The following CPSF1 variants were observed in gnomAD, a reference collection of about 807,000 sequenced individuals.
CPSF1 encodes cleavage and polyadenylation specific factor 1.
CPSF1 carries 106 observed loss-of-function variants against 175.8 expected under a neutral mutation model. The observed-to-expected ratio is 0.60, with a 90% CI of 0.52 to 0.71. The LOEUF is 0.71. Ranked by LOEUF, CPSF1 falls within the 30% of genes least tolerant of loss-of-function variation. CPSF1 has a pLI of 0.00. For synonymous variants in CPSF1, 1,024 were observed against 858.3 expected (o/e 1.19, Z -3.37); for missense variants, 1,734 against 2,022.9 (o/e 0.86, Z 2.74).
chr8:144,407,117 G>A (rs2116907320), intron 2 of CPSF1, among the ~76,000 whole-genome samples: 12 of 151,862 alleles, frequency 7.9e-5, no homozygotes, highest in African/African-American at 2.4e-4. Flanking sequence ...GTTTTGCCAC[G>A]TTGGCCAGAC....
Position 144,396,884 on chromosome 8 carries a change from C to A in CPSF1, c.2638G>T (p.Asp880Tyr). 1 of 1,613,890 alleles carries A rather than the reference C, an allele frequency of 6.2e-7. No homozygotes were observed. The highest frequency in any genetic ancestry group is 8.5e-7 in the Non-Finnish European group (1 of 1,179,942). ...AGATTGCCCTGGCCGAGCTGAGAGT[C>A]GTGGGGGAAGGCCTCGTAGATAAGC... is the stretch of plus-strand genomic sequence containing the variant. ...ELLIYEAFPH[D>Y]SQLGQGNLKV... Residue 880 changes from aspartate (D) to tyrosine (Y), a missense_variant, in exon 24 of 38, where the codon GAC (aspartate) becomes TAC (tyrosine). Asp to Tyr is a radical substitution (Grantham distance 160, BLOSUM62 -3). Transcript: ENST00000616140.
At chr8:144,396,303 TG>T in intron 26 of CPSF1, 44 bp downstream of exon 26, 1 of 1,549,206 alleles carries the variant, frequency 6.5e-7, no homozygotes, top group Non-Finnish European at 8.7e-7. Context: ...AGCCCCCAGC[TG>T]GGGCAGCATC....
chr8:144,394,490 G>A lies in CPSF1; in HGVS notation c.3633C>T (p.Tyr1211=). ...TGMAFIDTQL[Y]IHQMISVKNF... is the part of the protein sequence containing the mutation. ...TCTTGACGCTGATCATCTGGTGTAT[G>A]TAGAGCTGCGTGTCGATGAAGGCCA... Residue 1211 remains tyrosine, a synonymous_variant, in exon 32 of 38, where the codon TAC becomes TAT. Coordinates refer to ENST00000616140, the MANE Select transcript of CPSF1 (RefSeq NM_013291.3). The A allele has an allele frequency of 5.0e-6, 8 of 1,609,478 alleles. No individual in the cohort carries two copies. Among genetic ancestry groups the A allele is most frequent in the Non-Finnish European group, 6.8e-6 (8 of 1,178,656 alleles).
At chr8:144,404,185 T>C (rs1821370082) in intron 2 of CPSF1, among the ~76,000 whole-genome samples, 1 of 151,734 alleles carries the variant, frequency 6.6e-6, no homozygotes, top group South Asian at 2.1e-4. Context: ...ATCATGCCAT[T>C]GCACTCCAGC....
In CPSF1 at chr8:144,393,990, TG is replaced by T. The variant is rs1554862517; in HGVS notation, c.3907del (p.His1303ThrfsTer6). 6.2e-7 allele frequency: 1 copy of T among 1,613,304 alleles called. No homozygotes were observed. The highest frequency in any genetic ancestry group is 1.7e-5 in the Admixed American group (1 of 59,998). ...GMRLLRRADF[H>X]VGAHVNTFWR... The stretch of plus-strand genomic sequence containing the variant: ...GAACGTGTTCACGTGGGCACCCACG[TG>T]GAAGTCTGCCCGACGCAGCAGGCGC... On this transcript the variant is annotated frameshift_variant, in exon 35 of 38. Transcript: ENST00000616140. LOFTEE classifies it high-confidence loss of function.
chr8:144,394,528 C>T lies in CPSF1; in HGVS notation c.3595G>A (p.Glu1199Lys). The T allele has an allele frequency of 1.9e-6, 3 of 1,609,708 alleles. No homozygotes were observed. The highest frequency in any genetic ancestry group is 1.7e-6 in the Non-Finnish European group (2 of 1,178,690). ...TCGATGAAGGCCATGCCCGTCAGCTCGCTGGCCCGCAGGCTCCACAGGAAA... is the reference window on the plus strand; with the variant it reads ...TCGATGAAGGCCATGCCCGTCAGCTTGCTGGCCCGCAGGCTCCACAGGAAA... Reference protein sequence around the residue: ...KIFLWSLRASELTGMAFIDTQ... With the variant: ...KIFLWSLRASKLTGMAFIDTQ... Residue 1199 changes from glutamate (E) to lysine (K), a missense_variant, in exon 32 of 38, where the codon GAG becomes AAG. Transcript: ENST00000616140.
At position 144,398,568 on chromosome 8, in the gene CPSF1, C is replaced by G; in HGVS notation, c.1709G>C (p.Arg570Pro). The change falls in exon 18 of 38, where the codon CGC becomes CCC. Residue 570 changes from arginine to proline, a missense_variant. Arg to Pro is a moderately radical substitution (Grantham distance 103). Transcript: ENST00000616140. ...GCTCAGAATCAGGAATCCGTGTCTG[C>G]GGCCGTCGTCGTCTGCTTCAGGGGT... ...STTPEADDDGRRHGFLILSRE... is the reference protein window; with the variant it reads ...STTPEADDDGPRHGFLILSRE... 6.2e-7 allele frequency: 1 copy of G among 1,613,946 alleles called. No individual in the cohort carries two copies. The highest frequency in any genetic ancestry group is 8.5e-7 in the Non-Finnish European group (1 of 1,179,970).
rs770523342 is a variant in CPSF1 at position 144,394,627 on chromosome 8, G to A, written c.3567+17C>T. ...GAGGGTGAGCCGGGGGACACACGCCGGGTGGGACTGGCACACCTTCTGGCC... is the reference window on the plus strand; with the variant it reads ...GAGGGTGAGCCGGGGGACACACGCCAGGTGGGACTGGCACACCTTCTGGCC... On this transcript the variant is annotated intron_variant, in intron 31 of 37. Coordinates refer to ENST00000616140, the MANE Select transcript of CPSF1 (RefSeq NM_013291.3). The A allele has an allele frequency of 2.3e-5, 37 of 1,602,656 alleles. No individual in the cohort carries two copies. Among genetic ancestry groups the A allele is most frequent in the African/African-American group, 6.7e-5 (5 of 74,802 alleles).
chr8:144,395,501 T>C lies in CPSF1; in HGVS notation c.3030A>G (p.Pro1010=). The C allele has an allele frequency of 2.0e-6, 3 of 1,496,932 alleles. No homozygotes were observed. Among genetic ancestry groups the C allele is most frequent in the Non-Finnish European group, 1.8e-6 (2 of 1,116,238 alleles). 92.7% of individuals were successfully genotyped at this position (1,496,932 alleles called of 1,614,324 possible). The change falls in exon 27 of 38, where the codon CCA becomes CCG. Residue 1010 remains proline, a synonymous_variant. Coordinates refer to ENST00000616140, the MANE Select transcript of CPSF1 (RefSeq NM_013291.3). ...VLPAYLSYDA[P]WPVRKIPLRC... is the part of the protein sequence containing the mutation. ...GCAGCGGGATCTTCCTGACAGGCCA[T>C]GGGGCATCATAGGACAGGTAGGCAG...
rs1245398243 is a variant in CPSF1, at chr8:144,400,137, C to CCA, written c.937+28_937+29insTG. On this transcript the variant is annotated intron_variant, in intron 9 of 37. Coordinates refer to ENST00000616140, the MANE Select transcript of CPSF1 (RefSeq NM_013291.3). Reference sequence around the variant, plus strand: ...AGGCAGGCCCAAGCCGTCCCCGGGCCCCCCCCGCCCCAGCCACCCCACACT... The same window carrying CCA: ...AGGCAGGCCCAAGCCGTCCCCGGGCCCACCCCCCGCCCCAGCCACCCCACACT... 17 of 1,127,582 alleles carry CCA rather than the reference C, an allele frequency of 1.5e-5. No homozygotes were observed. In the East Asian group the frequency reaches 1.6e-4, roughly 11 times the overall value. 69.8% of individuals were successfully genotyped at this position (1,127,582 alleles called of 1,614,324 possible). A position where few individuals can be genotyped will look rare whatever the true frequency, so the allele number is the denominator to read the frequency against.
chr8:144,396,320 G>C (rs1554863666), intron 26 of CPSF1, 28 bp downstream of exon 26: 1 of 1,567,556 alleles, frequency 6.4e-7, no homozygotes, highest in Admixed American at 1.9e-5. Context: ...GCATCAGCCA[G>C]TGCTGCTGGG....
rs2116881405 is a variant in CPSF1, at chr8:144,401,110, T to C, written c.388-35A>G. The C allele has an allele frequency of 4.4e-6, 7 of 1,604,752 alleles. No individual in the cohort carries two copies. The Admixed American group carries it at 8.4e-5, about 19-fold the overall frequency. On this transcript the variant is annotated intron_variant, in intron 5 of 37. Transcript: ENST00000616140. ...GAGGGGGCATCAGCCAGGCCCAGCA[T>C]AGGAGACCCCGAGGGAAACACTTGG...
At chr8:144,401,173 T>TG in intron 5 of CPSF1, 38 bp downstream of exon 5, 1 of 508,274 alleles carries the variant, frequency 2.0e-6, no homozygotes. Context: ...GGAGGGTGGC[T>TG]GGGCGGGGCC....
rs2116863322 is a variant in CPSF1, at chr8:144,399,492, G to C, written c.1254C>G (p.Pro418=). 6.2e-7 allele frequency: 1 copy of C among 1,612,970 alleles called. No individual in the cohort carries two copies. The change falls in exon 13 of 38, where the codon CCC becomes CCG. Residue 418 remains proline, a synonymous_variant. Coordinates refer to ENST00000616140, the MANE Select transcript of CPSF1 (RefSeq NM_013291.3). The surrounding 1 kb of genome is among the most constrained non-coding windows in gnomAD (Gnocchi z 6.4). Reference sequence around the variant, plus strand: ...TCGCATCCACTCGCTTCTTCTTTGAGGGAGGCTCTTCCTGTGAGGCAGGAG... The same window carrying C: ...TCGCATCCACTCGCTTCTTCTTTGACGGAGGCTCTTCCTGTGAGGCAGGAG... ...VREAADKEEP[P]SKKKRVDATA...
At position 144,401,067 on chromosome 8, in the gene CPSF1, A is replaced by G. The variant is rs1452069793; in HGVS notation, c.396T>C (p.Phe132=). The G allele has an allele frequency of 1.2e-6, 2 of 1,606,132 alleles. No homozygotes were observed. Among genetic ancestry groups the G allele is most frequent in the East Asian group, 2.2e-5 (1 of 44,724 alleles). ...CTCGCGGCGTGTGTACATTCTGCAC[A>G]AACCCGTCCTGGGGGCAGAGGGGGC... ...YFEEPELRDG[F]VQNVHTPRVR... The change falls in exon 6 of 38, where the codon TTT becomes TTC. Residue 132 remains phenylalanine, a synonymous_variant. Coordinates refer to ENST00000616140, the MANE Select transcript of CPSF1 (RefSeq NM_013291.3).
chr8:144,398,924 C>T (rs2116856241), intron 16 of CPSF1, 34 bp downstream of exon 16: 1 of 1,611,884 alleles, frequency 6.2e-7, no homozygotes, highest in Non-Finnish European at 8.5e-7. Context: ...CCAGGTCCCA[C>T]CAGGAGGCGC....
At position 144,393,869 on chromosome 8, in the gene CPSF1, TCC is replaced by T. The variant is rs782093620; in HGVS notation, c.4015+12_4015+13del. ...GGGCCCCCCACCCAGACACACCTGC[TCC>T]CCCACACTCACCAAACCACGTGATG... On this transcript the variant is annotated intron_variant, in intron 35 of 37. Coordinates refer to ENST00000616140, the MANE Select transcript of CPSF1 (RefSeq NM_013291.3). 5 of 1,604,584 alleles carry T rather than the reference TCC, an allele frequency of 3.1e-6. No individual in the cohort carries two copies. The African/African-American group carries it at 5.4e-5, about 17-fold the overall frequency.
At chr8:144,401,965 A>T (rs1476142440) in intron 2 of CPSF1, among the ~76,000 whole-genome samples, 1 of 152,184 alleles carries the variant, frequency 6.6e-6, no homozygotes, top group African/African-American at 2.4e-5. Context: ...TCAGGGTTAG[A>T]GTGCACTCTG....
chr8:144,404,370 A>ATT, intron 2 of CPSF1, among the ~76,000 whole-genome samples: 1 of 146,484 alleles, frequency 6.8e-6, no homozygotes, highest in East Asian at 2.0e-4. Flanking sequence ...ACTCAGAAGA[A>ATT]TTTTTTTTTT....
Sources: gnomAD v4.1 joint callset for allele counts (sites outside exome capture counted in the v4.1 genomes callset) on GRCh38, gnomAD v4.1.1 for gene constraint, Gnocchi (gnomAD v3.1) non-coding constraint, MANE v1.5 for transcripts, NCBI Gene and HGNC (gene_info 2026-07-23, HGNC 2026-07-21) for gene names.